Variants in VSIG2 observed in about 807,000 individuals in gnomAD.
VSIG2 encodes the protein V-set and immunoglobulin domain containing 2, also known as V-set and immunoglobulin domain-containing protein 2.
A neutral mutation model predicts 29.4 loss-of-function variants in VSIG2; 30 were observed. The observed-to-expected ratio is 1.02, with a 90% confidence interval of 0.76 to 1.38. VSIG2 has a LOEUF of 1.38. Ranked by LOEUF, VSIG2 falls within the 40% of genes most tolerant of loss-of-function variation. The pLI is 0.00. For synonymous variants in VSIG2, 178 were observed against 174.2 expected, an observed-to-expected ratio of 1.02 and a Z score of -0.17; for missense variants, 421 against 400.8, an observed-to-expected ratio of 1.05 and a Z score of -0.43.
Position 124,752,067 on chromosome 11 carries a change from C to T in VSIG2, c.61+10G>A, listed in dbSNP as rs1255154748. 3 of 1,602,812 alleles carry T rather than the reference C, an allele frequency of 1.9e-6. No homozygotes were observed. The African/African-American group carries it at 4.0e-5, about 22-fold the overall frequency. Reference sequence around the variant, plus strand: ...AGCCCTCGCCGTGGTCCCGCCCGGCCCCTCCTCACCACTCAGGCACAGGAA... The same window carrying T: ...AGCCCTCGCCGTGGTCCCGCCCGGCTCCTCCTCACCACTCAGGCACAGGAA... On this transcript the variant is annotated intron_variant, in intron 1 of 6. Coordinates refer to ENST00000326621, the MANE Select transcript of VSIG2 (RefSeq NM_014312.5).
At chr11:124,751,121 GTCTCTCTC>G (rs10699910) in intron 2 of VSIG2, among the ~76,000 whole-genome samples, 200 bp from the exon 3 acceptor site, 1 of 149,684 alleles carries the variant, frequency 6.7e-6, no homozygotes, top group Admixed American at 6.6e-5. Flanking sequence ...TGATCCATTG[GTCTCTCTC>G]TCTCTCTCTC....
rs985826783 is a variant in VSIG2, at chr11:124,748,496, C to T, written c.745G>A (p.Val249Met). 1 of 1,614,186 alleles carries T rather than the reference C, an allele frequency of 6.2e-7. No individual in the cohort carries two copies. Among genetic ancestry groups the T allele is most frequent in the Non-Finnish European group, 8.5e-7 (1 of 1,180,034 alleles). The change falls in exon 6 of 7, where the codon GTG becomes ATG. Residue 249 changes from valine to methionine, a missense_variant. Coordinates refer to ENST00000326621, the MANE Select transcript of VSIG2 (RefSeq NM_014312.5). ...QGRVAGALIGVLLGVLLLSVA... is the reference protein window; with the variant it reads ...QGRVAGALIGMLLGVLLLSVA... ...GACAGCAACAGCACGCCCAGGAGCA[C>T]CCCAATCAGAGCTCCGGCCACTCGG...
At position 124,748,463 on chromosome 11, in the gene VSIG2, C is replaced by T. The variant is rs756356379; in HGVS notation, c.778G>A (p.Ala260Thr). The T allele has an allele frequency of 1.5e-5, 25 of 1,614,016 alleles. No individual in the cohort carries two copies. Among genetic ancestry groups the T allele is most frequent in the South Asian group, 6.6e-5 (6 of 91,080 alleles). The change falls in exon 6 of 7, where the codon GCG becomes ACG. Residue 260 changes from alanine to threonine, a missense_variant. By Grantham distance (58) the Ala-to-Thr change is moderately conservative. Transcript: ENST00000326621. ...TTCTGGAACCTGACCAGGCAGAACG[C>T]AGCAACTGACAGCAACAGCACGCCC... Reference protein sequence around the residue: ...LLGVLLLSVAAFCLVRFQKER... With the variant: ...LLGVLLLSVATFCLVRFQKER...
At position 124,749,777 on chromosome 11, in the gene VSIG2, G is replaced by A. The variant is rs768117045; in HGVS notation, c.517C>T (p.Pro173Ser). ...ALRCSSSEGA[P>S]KPVYNWVRLG... Reference sequence around the variant, plus strand: ...CGCACCCAGTTGTACACTGGCTTAGGAGCCCCCTCGGAAGAGCTGCATCTC... The same window carrying A: ...CGCACCCAGTTGTACACTGGCTTAGAAGCCCCCTCGGAAGAGCTGCATCTC... Residue 173 changes from proline to serine, a missense_variant, in exon 4 of 7, where the codon CCT (proline) becomes TCT (serine). By Grantham distance (74) the Pro-to-Ser change is moderately conservative (BLOSUM62 -1). Coordinates refer to ENST00000326621, the MANE Select transcript of VSIG2 (RefSeq NM_014312.5). The A allele has an allele frequency of 3.7e-6, 6 of 1,611,194 alleles. No homozygotes were observed. The highest frequency in any genetic ancestry group is 3.4e-5 in the Admixed American group (2 of 59,672).
chr11:124,748,915 T>C (rs186803183), intron 4 of VSIG2, 152 bp from the exon 5 acceptor site: 2 of 1,117,840 alleles, frequency 1.8e-6, no homozygotes, highest in African/African-American at 3.1e-5. Flanking sequence ...AAGAAGGAAG[T>C]AGTGTGTCTG....
rs1434508511 is a variant in VSIG2 at position 124,752,148 on chromosome 11, G to A, written c.-11C>T. On this transcript the variant is annotated 5_prime_UTR_variant, in exon 1 of 7. Transcript: ENST00000326621. ...CGGGAGCTCGGCCATGGCCGCGTCC[G>A]GCCGTCCTGTCCTGCTCCTGCCAGG... The A allele has an allele frequency of 1.3e-6, 2 of 1,577,486 alleles. No homozygotes were observed. The highest frequency in any genetic ancestry group is 2.7e-5 in the African/African-American group (2 of 74,248).
Position 124,747,970 on chromosome 11 carries a change from C to T in VSIG2, c.852-303G>A, listed in dbSNP as rs149835362. On this transcript the variant is annotated intron_variant, in intron 6 of 6. Coordinates refer to ENST00000326621, the MANE Select transcript of VSIG2 (RefSeq NM_014312.5). ...CCTGACTGGCAGCTAAAGTGGATGA[C>T]AGAGGCAGTTTCCCCTCCCCTTTCC... 1.9e-3 allele frequency: 706 copies of T among 376,606 alleles called. 7 individuals are homozygous for T. The highest frequency in any genetic ancestry group is 0.014 in the African/African-American group (664 of 47,532). The allele number at this position is 376,606 out of a possible 1,614,324, so 23.3% of individuals were successfully genotyped here. A position where few individuals can be genotyped will look rare whatever the true frequency, so the allele number is the denominator to read the frequency against.
Position 124,749,885 on chromosome 11 carries a change from A to AAAAAACAAAAAAAAAAC in VSIG2, c.428-20_428-19insGTTTTTTTTTTGTTTTT, listed in dbSNP as rs1944064229. The AAAAAACAAAAAAAAAAC allele has an allele frequency of 2.8e-6, 4 of 1,419,150 alleles. No homozygotes were observed. In the African/African-American group the frequency reaches 5.5e-5, roughly 20 times the overall value. 87.9% of individuals were successfully genotyped at this position (1,419,150 alleles called of 1,614,324 possible). On this transcript the variant is annotated intron_variant, in intron 3 of 6. Transcript: ENST00000326621. ...GGGGGAACTGCAAAAAAAAAAAAAA[A>AAAAAACAAAAAAAAAAC]AAAAAAAAAACAGAAAGTTCCTCAG...
In VSIG2 at chr11:124,752,103, GC is replaced by G. The variant is rs1944093833; in HGVS notation, c.34del (p.Ala12ProfsTer3). 1.9e-6 allele frequency: 3 copies of G among 1,606,444 alleles called. No individual in the cohort carries two copies. The highest frequency in any genetic ancestry group is 1.7e-6 in the Non-Finnish European group (2 of 1,178,840). The part of the protein sequence containing the change: ...AELPGPFLCG[A>X]LLGFLCLSGL... ...ACTCAGGCACAGGAAGCCTAGCAGG[GC>G]CCCGCAGAGAAAGGGCCCCGGGAGC... On this transcript the variant is annotated frameshift_variant, in exon 1 of 7. Transcript: ENST00000326621. LOFTEE classifies it high-confidence loss of function.
chr11:124,751,492 C>G lies in VSIG2; in HGVS notation c.150G>C (p.Ser50=). 6.2e-7 allele frequency: 1 copy of G among 1,613,132 alleles called. No individual in the cohort carries two copies. Among genetic ancestry groups the G allele is most frequent in the Non-Finnish European group, 8.5e-7 (1 of 1,179,994 alleles). The stretch of plus-strand genomic sequence containing the variant: ...ACTCCAGGGCGAAGCTGTCTCCCAC[C>G]GACGTGCTGTAGGTGCAGGTCAGCT... The part of the protein sequence containing the change: ...TAELTCTYST[S]VGDSFALEWS... The change falls in exon 2 of 7, where the codon TCG becomes TCC. Residue 50 remains serine, a synonymous_variant. Coordinates refer to ENST00000326621, the MANE Select transcript of VSIG2 (RefSeq NM_014312.5).
At chr11:124,749,605 G>A in intron 4 of VSIG2, 103 bp downstream of exon 4, 2 of 1,459,574 alleles carry the variant, frequency 1.4e-6, no homozygotes, top group Non-Finnish European at 1.9e-6. Context: ...AGTGGTTTGT[G>A]TCATACCCCT....
chr11:124,749,893 A>AC (rs1555108873), intron 3 of VSIG2, 27 bp from the exon 4 acceptor site: 2 of 1,524,308 alleles, frequency 1.3e-6, no homozygotes, highest in African/African-American at 1.4e-5. Context: ...AAAAAAAAAA[A>AC]AACAGAAAGT....
intron 1 of VSIG2, among the ~76,000 whole-genome samples, chr11:124,751,855 T>C (rs1217123929): frequency 1.3e-5 from 2 of 152,184 alleles, no homozygotes; most frequent in African/African-American, 4.8e-5. Context: ...TTCAGGCCTG[T>C]GCCGCGGAGA....
chr11:124,752,088 A>G lies in VSIG2; in HGVS notation c.50T>C (p.Leu17Pro), dbSNP rs377095644. Reference sequence around the variant, plus strand: ...CGGCCCCTCCTCACCACTCAGGCACAGGAAGCCTAGCAGGGCCCCGCAGAG... The same window carrying G: ...CGGCCCCTCCTCACCACTCAGGCACGGGAAGCCTAGCAGGGCCCCGCAGAG... The part of the protein sequence containing the change: ...PFLCGALLGF[L>P]CLSGLAVEVK... Residue 17 changes from leucine to proline, a missense_variant, in exon 1 of 7, where the codon CTG becomes CCG. Transcript: ENST00000326621. 103 of 1,606,776 alleles carry G rather than the reference A, an allele frequency of 6.4e-5. 1 individual carries two copies. In the African/African-American group the frequency reaches 1.2e-3, roughly 19 times the overall value.
Position 124,752,169 on chromosome 11 carries a change from C to A in VSIG2, c.-32G>T. ...GTCCGGCCGTCCTGTCCTGCTCCTGCCAGGTGGGCGGTCAAGGTCGGTCTG... is the reference window on the plus strand; with the variant it reads ...GTCCGGCCGTCCTGTCCTGCTCCTGACAGGTGGGCGGTCAAGGTCGGTCTG... On this transcript the variant is annotated 5_prime_UTR_variant, in exon 1 of 7. Coordinates refer to ENST00000326621, the MANE Select transcript of VSIG2 (RefSeq NM_014312.5). The A allele has an allele frequency of 6.5e-7, 1 of 1,538,132 alleles. No homozygotes were observed. Among genetic ancestry groups the A allele is most frequent in the South Asian group, 1.2e-5 (1 of 81,934 alleles).
Position 124,749,870 on chromosome 11 carries a change from C to CAAA in VSIG2, c.428-7_428-5dup, listed in dbSNP as rs757471583. The CAAA allele has an allele frequency of 6.7e-3, 5,172 of 770,250 alleles. 2 individuals carry two copies. Among genetic ancestry groups the CAAA allele is most frequent in the South Asian group, 0.012 (347 of 29,328 alleles). 47.7% of individuals were successfully genotyped at this position (770,250 alleles called of 1,614,324 possible). On this transcript the variant is annotated splice_polypyrimidine_tract_variant and splice_region_variant and intron_variant, in intron 3 of 6. Coordinates refer to ENST00000326621, the MANE Select transcript of VSIG2 (RefSeq NM_014312.5). ...CATAAGGGATTACTGGGGGGAACTG[C>CAAA]AAAAAAAAAAAAAAAAAAAAAAAAA... is the stretch of plus-strand genomic sequence containing the variant.
At chr11:124,749,936 C>T in intron 3 of VSIG2, 70 bp from the exon 4 acceptor site, 1 of 1,440,838 alleles carries the variant, frequency 6.9e-7, no homozygotes, top group Non-Finnish European at 9.1e-7. Context: ...ACTCCCAACT[C>T]CATTAGGTGC....
At chr11:124,751,072 G>A (rs377560669) in intron 2 of VSIG2, 151 bp from the exon 3 acceptor site, 1 of 785,224 alleles carries the variant, frequency 1.3e-6, no homozygotes. Context: ...AGGTCTCTCT[G>A]TCCCCAAACA....
At chr11:124,749,595 A>T in intron 4 of VSIG2, 113 bp downstream of exon 4, 1 of 1,395,812 alleles carries the variant, frequency 7.2e-7, no homozygotes, top group Non-Finnish European at 9.7e-7. Flanking sequence ...GGAAAGGTAT[A>T]GTGGTTTGTG....
Sources: allele counts gnomAD v4.1 joint callset (sites outside exome capture counted in the v4.1 genomes callset), GRCh38; gene constraint gnomAD v4.1.1; transcripts MANE v1.5; gene names NCBI Gene and HGNC (gene_info 2026-07-23, HGNC 2026-07-21).